The following SUGCT variants were observed in gnomAD, a reference collection of about 807,000 sequenced individuals.
SUGCT encodes the protein succinyl-CoA:glutarate CoA-transferase.
Under a neutral mutation model 55.0 loss-of-function variants are expected in SUGCT, and 41 were observed. That is an observed-to-expected ratio of 0.74 (90% CI 0.58 to 0.97). The LOEUF is 0.97. Among genes scored for constraint, SUGCT ranks in the 50% least tolerant of loss-of-function variants. The pLI is 0.00. For synonymous variants in SUGCT, 187 were observed against 200.4 expected (o/e 0.93, Z 0.56); for missense variants, 568 against 547.8 (o/e 1.04, Z -0.37).
intron 12 of SUGCT, among the ~76,000 whole-genome samples, chr7:40,651,053 G>A (rs971671276): frequency 7.9e-5 from 12 of 152,010 alleles, no homozygotes; most frequent in African/African-American, 1.9e-4. Context: ...ACATGATCTC[G>A]TTCCTTTTTA....
intron 13 of SUGCT, among the ~76,000 whole-genome samples, chr7:40,858,314 A>G (rs967724072): frequency 1.3e-5 from 2 of 150,482 alleles, no homozygotes; most frequent in African/African-American, 4.9e-5. Context: ...GAGGCAGGAG[A>G]ATTCCTTGAA....
At chr7:40,362,250 C>G (rs1032459954) in intron 9 of SUGCT, among the ~76,000 whole-genome samples, 5 of 152,060 alleles carry the variant, frequency 3.3e-5, no homozygotes, top group African/African-American at 1.2e-4. Flanking sequence ...AAATCCCTGT[C>G]TCTACTAAAA....
chr7:40,731,603 A>ACCCCCCCCCCCCCCCC (rs1786891980), intron 12 of SUGCT, among the ~76,000 whole-genome samples: 1 of 150,492 alleles, frequency 6.6e-6, no homozygotes, highest in African/African-American at 2.5e-5. Flanking sequence ...CATGGTGCAT[A>ACCCCCCCCCCCCCCCC]CCCACCCCAC....
chr7:40,240,154 G>T (rs1418229430), intron 7 of SUGCT, among the ~76,000 whole-genome samples: 1 of 152,078 alleles, frequency 6.6e-6, no homozygotes, highest in Non-Finnish European at 1.5e-5. Context: ...TCTCCATAAA[G>T]TGTGGTTTGA....
intron 13 of SUGCT, among the ~76,000 whole-genome samples, chr7:40,838,973 T>C (rs1793138828): frequency 1.3e-5 from 2 of 151,752 alleles, no homozygotes; most frequent in Non-Finnish European, 2.9e-5. Context: ...CATGTAGGTG[T>C]TGTATTACAT....
In SUGCT at chr7:40,309,203, T is replaced by C. The variant is rs924668968; in HGVS notation, c.721-7557T>C. On this transcript the variant is annotated intron_variant, in intron 8 of 13. Coordinates refer to ENST00000335693, the MANE Select transcript of SUGCT (RefSeq NM_001193313.2). The stretch of plus-strand genomic sequence containing the variant: ...TGTCTGAATGTACCTTACCCTAGAA[T>C]GTAAGCTTCATGAGAGTAGGACTAT... Among the ~76,000 whole-genome samples the C allele has an allele frequency of 2.6e-5, 4 of 152,370 alleles. No homozygotes were observed. The South Asian group carries it at 8.3e-4, about 32-fold the overall frequency.
intron 12 of SUGCT, among the ~76,000 whole-genome samples, chr7:40,665,858 T>C (rs867929924): frequency 5.3e-5 from 8 of 152,246 alleles, no homozygotes; most frequent in Middle Eastern, 6.8e-3. Context: ...TTTTAATAGG[T>C]GTGCCGGTAA....
chr7:40,421,482 A>G (rs975388103), intron 9 of SUGCT, among the ~76,000 whole-genome samples: 5 of 151,846 alleles, frequency 3.3e-5, no homozygotes, highest in Admixed American at 6.6e-5. Context: ...TTGACTTCCA[A>G]TTTTCAAGGA....
chr7:40,289,829 AC>A (rs1793620214), intron 8 of SUGCT, among the ~76,000 whole-genome samples: 1 of 152,022 alleles, frequency 6.6e-6, no homozygotes, highest in Non-Finnish European at 1.5e-5. Context: ...AAATCAATGT[AC>A]AAAAATCACA....
At chr7:40,239,317 G>T (rs1022652832) in intron 7 of SUGCT, among the ~76,000 whole-genome samples, 1 of 152,006 alleles carries the variant, frequency 6.6e-6, no homozygotes, top group South Asian at 2.1e-4. Flanking sequence ...CTGGACTCAC[G>T]ACATCTTGGC....
intron 12 of SUGCT, among the ~76,000 whole-genome samples, chr7:40,728,006 T>A (rs1201337021): frequency 6.6e-6 from 1 of 152,188 alleles, no homozygotes; most frequent in Admixed American, 6.5e-5. Context: ...ATACTACAAG[T>A]ATTCTGAGAT....
chr7:40,608,921 G>A (rs1584117817), intron 12 of SUGCT, among the ~76,000 whole-genome samples: 1 of 152,156 alleles, frequency 6.6e-6, no homozygotes. Context: ...GCTCCGAGTT[G>A]TAGTTCTGTC....
chr7:40,556,446 T>C (rs1268896074), intron 12 of SUGCT, among the ~76,000 whole-genome samples: 2 of 152,208 alleles, frequency 1.3e-5, no homozygotes, highest in Non-Finnish European at 2.9e-5. Context: ...CTTTCCTTAT[T>C]CCTTTGACTG....
intron 8 of SUGCT, among the ~76,000 whole-genome samples, chr7:40,279,658 A>G (rs1205438115): frequency 6.6e-6 from 1 of 152,198 alleles, no homozygotes; most frequent in East Asian, 1.9e-4. Context: ...TTATTTTATC[A>G]TAATTATGAT....
At chr7:40,661,169 T>C (rs141707270) in intron 12 of SUGCT, among the ~76,000 whole-genome samples, 85 of 152,348 alleles carry the variant, frequency 5.6e-4, no homozygotes, top group Admixed American at 1.6e-3. Context: ...CTCCAGTCTC[T>C]TCTTAAATGT....
chr7:40,989,723 A>AT, the SUGCT span, among the ~76,000 whole-genome samples: 1 of 152,182 alleles, frequency 6.6e-6, no homozygotes, highest in African/African-American at 2.4e-5. Flanking sequence ...ATGAGCCAGG[A>AT]TTATGCCACT....
At chr7:40,730,782 G>A (rs1174959053) in intron 12 of SUGCT, among the ~76,000 whole-genome samples, 1 of 152,144 alleles carries the variant, frequency 6.6e-6, no homozygotes, top group African/African-American at 2.4e-5. Flanking sequence ...GTGTAATCAT[G>A]TGATACTTGT....
intron 1 of SUGCT, among the ~76,000 whole-genome samples, chr7:40,164,219 C>T (rs1476667760): frequency 6.6e-6 from 1 of 151,966 alleles, no homozygotes; most frequent in Non-Finnish European, 1.5e-5. Context: ...CCTTCTCCTC[C>T]TGGGTTCAAG....
chr7:40,924,710 C>T, the SUGCT span, among the ~76,000 whole-genome samples: 1 of 152,172 alleles, frequency 6.6e-6, no homozygotes, highest in African/African-American at 2.4e-5. Context: ...ATCTCTGGGG[C>T]TCAGATTTAC....
Sources: gnomAD v4.1 joint callset for allele counts (sites outside exome capture counted in the v4.1 genomes callset) on GRCh38, gnomAD v4.1.1 for gene constraint, MANE v1.5 for transcripts, NCBI Gene and HGNC (gene_info 2026-07-23, HGNC 2026-07-21) for gene names.